TAF3: variants seen among roughly 807,000 people sequenced by gnomAD.
TAF3 encodes the protein transcription initiation factor TFIID subunit 3.
Under a neutral mutation model 80.6 loss-of-function variants are expected in TAF3, and 7 were observed. The observed-to-expected ratio is 0.09, with a 90% CI of 0.05 to 0.16. The LOEUF is 0.16. Ranked by LOEUF, TAF3 falls within the 10% of genes least tolerant of loss-of-function variation. TAF3 has a pLI of 1.00. For synonymous variants in TAF3, 444 were observed against 446.1 expected (o/e 1.00, Z 0.06); for missense variants, 921 against 1,140.2 (o/e 0.81, Z 2.77).
At chr10:7,878,690 A>AATGT (rs58593612) in intron 2 of TAF3, among the ~76,000 whole-genome samples, 7,886 of 146,902 alleles carry the variant, frequency 0.054, 451 homozygotes, top group African/African-American at 0.15. Context: ...TAATTCAACC[A>AATGT]ATGTATGTAT....
intron 2 of TAF3, among the ~76,000 whole-genome samples, chr10:7,872,320 C>A (rs1294924434): frequency 6.9e-6 from 1 of 145,106 alleles, no homozygotes; most frequent in Non-Finnish European, 1.5e-5. Context: ...TAATTAAAAT[C>A]AGTTCCCTGT....
chr10:7,991,246 A>ATG (rs1484956957), intron 4 of TAF3, among the ~76,000 whole-genome samples: 1 of 151,934 alleles, frequency 6.6e-6, no homozygotes, highest in Non-Finnish European at 1.5e-5. Flanking sequence ...ATAAGTGTGT[A>ATG]TGTGTGTGTG....
At chr10:7,840,524 GA>G (rs35379190) in intron 2 of TAF3, among the ~76,000 whole-genome samples, 2,608 of 128,332 alleles carry the variant, frequency 0.02, 38 homozygotes, top group African/African-American at 0.037. Context: ...CATCCAGAAT[GA>G]AAAAAAAAAA....
At chr10:7,971,155 G>C (rs1191598064) in intron 3 of TAF3, among the ~76,000 whole-genome samples, 2 of 152,086 alleles carry the variant, frequency 1.3e-5, no homozygotes, top group South Asian at 2.1e-4. Flanking sequence ...TGTCTACATG[G>C]GGTGGCACTT....
chr10:7,864,999 G>A (rs946497164), intron 2 of TAF3, among the ~76,000 whole-genome samples: 4 of 152,270 alleles, frequency 2.6e-5, no homozygotes, highest in Non-Finnish European at 2.9e-5. Context: ...TGCACCATTT[G>A]TTGAATTCCA....
At position 7,824,474 on chromosome 10, in the gene TAF3, A is replaced by G. The variant is rs1464308667; in HGVS notation, c.323A>G (p.Gln108Arg). 1.2e-6 allele frequency: 2 copies of G among 1,614,182 alleles called. No homozygotes were observed. Among genetic ancestry groups the G allele is most frequent in the South Asian group, 1.1e-5 (1 of 91,082 alleles). The change falls in exon 2 of 7, where the codon CAG becomes CGG. Residue 108 changes from glutamine to arginine, a missense_variant. Gln to Arg is a conservative substitution (Grantham distance 43, BLOSUM62 1). Transcript: ENST00000344293. ...SFPVSKNNVL[Q>R]FPQPGSKDAE... ...CCTGTTAGCAAGAACAATGTACTTC[A>G]GTTTCCTCAACCTGGAAGTAAAGAT...
chr10:7,901,791 G>A (rs1837560732), intron 2 of TAF3, among the ~76,000 whole-genome samples: 1 of 152,150 alleles, frequency 6.6e-6, no homozygotes, highest in Admixed American at 6.5e-5. Context: ...AATGACTAAG[G>A]CTGTGACGGT....
chr10:7,917,036 C>G (rs1204645184), intron 2 of TAF3, among the ~76,000 whole-genome samples: 1 of 152,212 alleles, frequency 6.6e-6, no homozygotes, highest in African/African-American at 2.4e-5. Context: ...TTTATTCATT[C>G]AGCGAATATT....
intron 4 of TAF3, among the ~76,000 whole-genome samples, chr10:8,007,477 C>T (rs146731896): frequency 1.4e-3 from 213 of 148,926 alleles, no homozygotes; most frequent in African/African-American, 4.8e-3. Context: ...GGAAGTTCAT[C>T]TGAAACAAAT....
chr10:7,905,824 A>C (rs1564360788), intron 2 of TAF3, among the ~76,000 whole-genome samples: 1 of 152,146 alleles, frequency 6.6e-6, no homozygotes. Context: ...TGGAGGTTGC[A>C]GTGAGCTGAG....
At chr10:7,843,398 C>T (rs1017528311) in intron 2 of TAF3, among the ~76,000 whole-genome samples, 1 of 152,134 alleles carries the variant, frequency 6.6e-6, no homozygotes, top group Non-Finnish European at 1.5e-5. Context: ...CATGAGCCAC[C>T]GTTCCCAGCT....
chr10:7,836,622 T>C (rs9664026), intron 2 of TAF3, among the ~76,000 whole-genome samples: 32,800 of 152,162 alleles, frequency 0.22, 3,619 homozygotes, highest in South Asian at 0.26. Flanking sequence ...TCCATCTCAG[T>C]TGGTGGCACC....
intron 2 of TAF3, among the ~76,000 whole-genome samples, chr10:7,857,169 G>A (rs1368349132): frequency 6.6e-6 from 1 of 152,140 alleles, no homozygotes; most frequent in African/African-American, 2.4e-5. Flanking sequence ...CTCCCTCCTT[G>A]CTTAATGATA....
chr10:7,955,416 A>G (rs567610621), intron 2 of TAF3, among the ~76,000 whole-genome samples: 2 of 152,352 alleles, frequency 1.3e-5, no homozygotes, highest in Admixed American at 6.5e-5. Context: ...TCTAGCTTTA[A>G]ATACGTTTAA....
chr10:7,873,580 G>T (rs1047878080), intron 2 of TAF3, among the ~76,000 whole-genome samples: 1 of 148,030 alleles, frequency 6.8e-6, no homozygotes, highest in African/African-American at 2.5e-5. Flanking sequence ...AGTTTCTTTG[G>T]TGTTATGGAT....
At chr10:8,004,060 AT>A (rs1255891938) in intron 4 of TAF3, among the ~76,000 whole-genome samples, 3 of 151,506 alleles carry the variant, frequency 2.0e-5, no homozygotes, top group Admixed American at 2.0e-4. Flanking sequence ...TATTTTATTT[AT>A]TTTTTTTGAG....
At position 7,965,029 on chromosome 10, in the gene TAF3, A is replaced by G; in HGVS notation, c.1519A>G (p.Lys507Glu). 1 of 1,614,046 alleles carries G rather than the reference A, an allele frequency of 6.2e-7. No individual in the cohort carries two copies. Among genetic ancestry groups the G allele is most frequent in the Non-Finnish European group, 8.5e-7 (1 of 1,180,028 alleles). ...VSPPTPEPLH[K>E]VYEEKTKLPS... is the part of the protein sequence containing the mutation. Reference sequence around the variant, plus strand: ...TCCTCCCACTCCCGAACCTCTCCACAAGGTGTATGAGGAGAAAACCAAGCT... The same window carrying G: ...TCCTCCCACTCCCGAACCTCTCCACGAGGTGTATGAGGAGAAAACCAAGCT... The change falls in exon 3 of 7, where the codon AAG becomes GAG. Residue 507 changes from lysine (K) to glutamate (E), a missense_variant. Lys to Glu is a moderately conservative substitution (Grantham distance 56). This residue lies in a region of TAF3 where 743 missense variants were observed against 821.0 expected (regional missense o/e 0.90). Coordinates refer to ENST00000344293, the MANE Select transcript of TAF3 (RefSeq NM_031923.4).
chr10:7,889,527 C>T (rs762651448), intron 2 of TAF3, among the ~76,000 whole-genome samples: 5 of 152,196 alleles, frequency 3.3e-5, no homozygotes, highest in Non-Finnish European at 7.3e-5. Context: ...TTCACAACCA[C>T]TCTGACTCCA....
intron 1 of TAF3, 88 bp from the exon 2 acceptor site, chr10:7,824,230 A>G (rs1588512689): frequency 1.4e-6 from 2 of 1,426,606 alleles, no homozygotes; most frequent in East Asian, 2.4e-5. Flanking sequence ...TCTGAGCTGC[A>G]TATTTACTTA....
Sources: allele counts gnomAD v4.1 joint callset (sites outside exome capture counted in the v4.1 genomes callset), GRCh38; gene constraint gnomAD v4.1.1; regional missense constraint gnomAD v4.1.1; transcripts MANE v1.5; gene names NCBI Gene and HGNC (gene_info 2026-07-23, HGNC 2026-07-21).